The following A1CF variants were observed in gnomAD, a reference collection of about 807,000 sequenced individuals.
A1CF encodes APOBEC-1 stimulating protein.
A neutral mutation model predicts 68.9 loss-of-function variants in A1CF; 48 were observed. The observed-to-expected ratio is 0.70, with a 90% CI of 0.55 to 0.89. The LOEUF (loss-of-function observed/expected upper bound fraction) is 0.89, where lower values mean the gene tolerates loss of function less well. A1CF is among the 40% of genes least tolerant of loss of function. The pLI is 0.00. For missense variants in A1CF, 653 were observed against 718.9 expected, an observed-to-expected ratio of 0.91 and a Z score of 1.05; for synonymous variants, 272 against 260.4, an observed-to-expected ratio of 1.04 and a Z score of -0.43.
At chr10:50,866,369 C>G (rs1840990600) in intron 1 of A1CF, among the ~76,000 whole-genome samples, 1 of 152,138 alleles carries the variant, frequency 6.6e-6, no homozygotes, top group Non-Finnish European at 1.5e-5. Flanking sequence ...CTTGGGGGTT[C>G]AAGACTTCTG....
At chr10:50,818,519 G>A (rs1277494946) in intron 8 of A1CF, among the ~76,000 whole-genome samples, 2 of 152,012 alleles carry the variant, frequency 1.3e-5, no homozygotes, top group African/African-American at 2.4e-5. Flanking sequence ...TTATTCCAAC[G>A]TAATTTTTGG....
chr10:50,874,772 C>T (rs191075062), intron 1 of A1CF, among the ~76,000 whole-genome samples: 4 of 152,230 alleles, frequency 2.6e-5, no homozygotes, highest in East Asian at 3.9e-4. Flanking sequence ...TACTCCCAAT[C>T]GGCATTAAAA....
intron 12 of A1CF, among the ~76,000 whole-genome samples, chr10:50,807,421 G>A (rs965501300): frequency 6.6e-6 from 1 of 152,112 alleles, no homozygotes; most frequent in South Asian, 2.1e-4. Context: ...GGTTAAGTGT[G>A]CTTTTCCATA....
intron 4 of A1CF, among the ~76,000 whole-genome samples, 187 bp downstream of exon 4, chr10:50,843,801 G>C (rs1839879934): frequency 6.6e-6 from 1 of 152,064 alleles, no homozygotes; most frequent in Admixed American, 6.6e-5. Context: ...GTCAGTAACA[G>C]GACAAGAGCT....
intron 11 of A1CF, 80 bp downstream of exon 11, chr10:50,810,960 G>T: frequency 2.1e-6 from 3 of 1,439,032 alleles, no homozygotes; most frequent in Non-Finnish European, 2.8e-6. Context: ...TCAGTATCTT[G>T]TTTAGATGGT....
Position 50,831,531 on chromosome 10 carries a change from C to G in A1CF, c.605-3236G>C, listed in dbSNP as rs554684208. On this transcript the variant is annotated intron_variant, in intron 6 of 12. Transcript: ENST00000373997. ...ATCATCTGAGGTCAGTAGTTCGAGA[C>G]CAGCCTGACCAACATGGAGAAACCC... 1.2e-4 allele frequency among the ~76,000 whole-genome samples: 18 copies of G among 152,246 alleles called. No homozygotes were observed. In the South Asian group the frequency reaches 3.7e-3, roughly 32 times the overall value.
intron 3 of A1CF, among the ~76,000 whole-genome samples, chr10:50,845,345 T>C (rs1839949683): frequency 6.6e-6 from 1 of 152,234 alleles, no homozygotes; most frequent in African/African-American, 2.4e-5. Flanking sequence ...ACCTTAAAAA[T>C]GTGCAATTGA....
In A1CF at chr10:50,860,062, T is replaced by A. The variant is rs1441300271; in HGVS notation, c.-45-77A>T. ...CTTCTCCTTTTCATGAAGGACATCT[T>A]TAGGAAATATTCTCTGTAAATGCGT... is the stretch of plus-strand genomic sequence containing the variant. On this transcript the variant is annotated intron_variant, in intron 2 of 12. Transcript: ENST00000373997. 4 of 719,022 alleles carry A rather than the reference T, an allele frequency of 5.6e-6. No individual in the cohort carries two copies. The Admixed American group carries it at 9.1e-5, about 16-fold the overall frequency. 44.5% of individuals were successfully genotyped at this position (719,022 alleles called of 1,614,324 possible).
At chr10:50,848,802 G>T (rs1463407007) in intron 3 of A1CF, among the ~76,000 whole-genome samples, 1 of 151,802 alleles carries the variant, frequency 6.6e-6, no homozygotes, top group Non-Finnish European at 1.5e-5. Flanking sequence ...TGTTCCCTTG[G>T]GTCCTAGCCA....
intron 3 of A1CF, among the ~76,000 whole-genome samples, chr10:50,854,099 G>C (rs925800251): frequency 1.3e-5 from 2 of 151,366 alleles, no homozygotes; most frequent in Non-Finnish European, 2.9e-5. Context: ...TTTAACTCCT[G>C]ACTGACCCTT....
chr10:50,884,427 C>G (rs999587661), intron 1 of A1CF, among the ~76,000 whole-genome samples: 3 of 152,150 alleles, frequency 2.0e-5, no homozygotes, highest in Non-Finnish European at 2.9e-5. Context: ...AGTCATTTGT[C>G]TCTTTCTCTG....
chr10:50,809,143 G>C (rs546357302), intron 12 of A1CF, among the ~76,000 whole-genome samples: 1 of 152,032 alleles, frequency 6.6e-6, no homozygotes. Context: ...TAACAAATGG[G>C]GACAAATCTT....
chr10:50,834,004 C>T (rs1247632156), intron 6 of A1CF, among the ~76,000 whole-genome samples: 1 of 152,132 alleles, frequency 6.6e-6, no homozygotes, highest in Non-Finnish European at 1.5e-5. Flanking sequence ...AAGGAAAAGT[C>T]AGGACTGTGG....
rs368912630 is a variant in A1CF, at chr10:50,816,573, T to C, written c.868-294A>G. Reference sequence around the variant, plus strand: ...TTACAGTCACTGAGACAGAAAGTTATGTAATATTTTTATTAGGTCATATAT... The same window carrying C: ...TTACAGTCACTGAGACAGAAAGTTACGTAATATTTTTATTAGGTCATATAT... On this transcript the variant is annotated intron_variant, in intron 8 of 12. Transcript: ENST00000373997. 6.1e-4 allele frequency: 188 copies of C among 307,456 alleles called. 5 individuals carry two copies. The South Asian group carries it at 0.011, about 18-fold the overall frequency. 19.0% of individuals were successfully genotyped at this position (307,456 alleles called of 1,614,324 possible).
intron 3 of A1CF, among the ~76,000 whole-genome samples, chr10:50,851,645 G>A (rs537652739): frequency 9.5e-4 from 144 of 152,152 alleles, no homozygotes; most frequent in African/African-American, 3.2e-3. Context: ...TTCTGCTCTC[G>A]GGACTTAAAA....
chr10:50,876,541 G>A (rs888172935), intron 1 of A1CF, among the ~76,000 whole-genome samples: 1 of 152,212 alleles, frequency 6.6e-6, no homozygotes, highest in African/African-American at 2.4e-5. Context: ...TAAAAGCTGA[G>A]TAAGAGGGAG....
chr10:50,874,740 A>G lies in A1CF; in HGVS notation c.-93-10660T>C, dbSNP rs1474949592. On this transcript the variant is annotated intron_variant, in intron 1 of 12. Transcript: ENST00000373997. ...CTTCCTTTAAAGCCTTATTCTTAAA[A>G]TATTGTGCCACTATTAAAACATACT... Among the ~76,000 whole-genome samples the G allele has an allele frequency of 2.6e-5, 4 of 152,188 alleles. No homozygotes were observed. The East Asian group carries it at 7.7e-4, about 29-fold the overall frequency.
chr10:50,828,054 C>G lies in A1CF; in HGVS notation c.769+77G>C, dbSNP rs545607547. 240 of 1,082,260 alleles carry G rather than the reference C, an allele frequency of 2.2e-4. 1 individual carries two copies. In the African/African-American group the frequency reaches 3.5e-3, roughly 16 times the overall value. The allele number at this position is 1,082,260 out of a possible 1,614,324, so 67.0% of individuals were successfully genotyped here. A position where few individuals can be genotyped will look rare whatever the true frequency, so the allele number is the denominator to read the frequency against. ...AAATCTAGAAGAAATGGACAAATTC[C>G]TCGACACATACACCCTCCCAAGACT... On this transcript the variant is annotated intron_variant, in intron 7 of 12. Transcript: ENST00000373997.
chr10:50,879,273 A>G (rs1272217141), intron 1 of A1CF, among the ~76,000 whole-genome samples: 4 of 152,120 alleles, frequency 2.6e-5, no homozygotes, highest in Admixed American at 6.6e-5. Flanking sequence ...TATTTTTTCC[A>G]TGGGGAAAAG....
Sources: allele counts gnomAD v4.1 joint callset (sites outside exome capture counted in the v4.1 genomes callset), GRCh38; gene constraint gnomAD v4.1.1; transcripts MANE v1.5; gene names NCBI Gene and HGNC (gene_info 2026-07-23, HGNC 2026-07-21).